TLE3: variants seen among roughly 807,000 people sequenced by gnomAD.
TLE3 encodes the protein TLE family member 3, transcriptional corepressor, also known as transducin-like enhancer protein 3.
In TLE3, 14 loss-of-function variants were observed where a neutral mutation model predicts 93.0. The ratio of observed to expected loss-of-function variants is 0.15; its 90% CI spans 0.10 to 0.24. The LOEUF is 0.24. TLE3 is among the 10% of genes least tolerant of loss of function. TLE3 has a pLI of 1.00. For synonymous variants in TLE3, 451 were observed against 425.0 expected (o/e 1.06, Z -0.75); for missense variants, 693 against 1,046.6 (o/e 0.66, Z 4.66).
intron 19 of TLE3, chr15:70,051,163 G>A (rs1369322269): frequency 1.2e-5 from 5 of 421,500 alleles, no homozygotes; most frequent in Admixed American, 4.0e-5. Flanking sequence ...TGCCCTCGGG[G>A]GTCAGAAGCC....
chr15:70,050,465 C>T (rs576682996), intron 19 of TLE3: 1 of 382,888 alleles, frequency 2.6e-6, no homozygotes, highest in Admixed American at 3.6e-5. Flanking sequence ...GTAACAGTCT[C>T]CCACGTGATC....
chr15:70,096,704 G>T, intron 1 of TLE3, 71 bp downstream of exon 1: 1 of 1,591,160 alleles, frequency 6.3e-7, no homozygotes, highest in Non-Finnish European at 8.6e-7. Flanking sequence ...GCAAAATGGA[G>T]GTGCCAGATA....
intron 7 of TLE3, 112 bp downstream of exon 7, chr15:70,065,902 G>A (rs2056783469): frequency 8.3e-7 from 1 of 1,203,192 alleles, no homozygotes; most frequent in Non-Finnish European, 1.2e-6. Flanking sequence ...CAAATCCTTG[G>A]TAACTCCTGG....
intron 6 of TLE3, among the ~76,000 whole-genome samples, chr15:70,071,028 ACCT>A (rs2057124214): frequency 6.6e-6 from 1 of 152,084 alleles, no homozygotes; most frequent in African/African-American, 2.4e-5. Flanking sequence ...AGCAGATGAG[ACCT>A]CCTCCACTTT....
rs566572684 is a variant in TLE3, at chr15:70,053,122, C to T, written c.1974+105G>A. The T allele has an allele frequency of 1.7e-4, 240 of 1,427,624 alleles. 1 individual carries two copies. In the African/African-American group the frequency reaches 3.0e-3, roughly 18 times the overall value. The allele number at this position is 1,427,624 out of a possible 1,614,324, so 88.4% of individuals were successfully genotyped here. ...TCAGGTTGGTCCCAAGTCTCTTGGC[C>T]GTGGCCACTCTGTGAGGGTCCCTTT... is the stretch of plus-strand genomic sequence containing the variant. On this transcript the variant is annotated intron_variant, in intron 17 of 19. Coordinates refer to ENST00000451782, the MANE Select transcript of TLE3 (RefSeq NM_001105192.3).
At chr15:70,087,404 G>T (rs928014625) in intron 4 of TLE3, among the ~76,000 whole-genome samples, 1 of 152,196 alleles carries the variant, frequency 6.6e-6, no homozygotes, top group African/African-American at 2.4e-5. Context: ...TGAAAATGTC[G>T]AATCTGCTTT....
chr15:70,061,077 G>A (rs2141559074), intron 8 of TLE3, among the ~76,000 whole-genome samples: 1 of 152,272 alleles, frequency 6.6e-6, no homozygotes, highest in South Asian at 2.1e-4. Flanking sequence ...TGAGCTGACA[G>A]GCAGGGGCCA....
intron 3 of TLE3, 103 bp from the exon 4 acceptor site, chr15:70,094,679 G>C (rs1005620504): frequency 5.9e-6 from 5 of 845,210 alleles, no homozygotes; most frequent in African/African-American, 3.5e-5. Flanking sequence ...ATACTTTTAC[G>C]ATACATTTGC....
intron 4 of TLE3, among the ~76,000 whole-genome samples, chr15:70,084,342 T>C (rs904192044): frequency 1.3e-5 from 2 of 152,328 alleles, no homozygotes; most frequent in Admixed American, 1.3e-4. Context: ...TGGGTAGAGA[T>C]TAGAAATGCT....
At chr15:70,092,666 C>T (rs1355858058) in intron 4 of TLE3, among the ~76,000 whole-genome samples, 1 of 152,214 alleles carries the variant, frequency 6.6e-6, no homozygotes, top group Non-Finnish European at 1.5e-5. Flanking sequence ...CCCAGATGTA[C>T]ACAGCTGCTC....
At chr15:70,080,845 C>G (rs908717299) in intron 4 of TLE3, among the ~76,000 whole-genome samples, 12 of 152,196 alleles carry the variant, frequency 7.9e-5, no homozygotes, top group African/African-American at 2.9e-4. Context: ...ATCTGTACCC[C>G]CCAGCAACCT....
intron 4 of TLE3, among the ~76,000 whole-genome samples, chr15:70,091,272 C>CA (rs1362415155): frequency 6.6e-6 from 1 of 152,248 alleles, no homozygotes; most frequent in Non-Finnish European, 1.5e-5. Flanking sequence ...AGTCCACTTT[C>CA]AAAAATGTCA....
At position 70,097,791 on chromosome 15, in the gene TLE3, CG is replaced by C. The variant is rs1653339185; in HGVS notation, c.-994del. On this transcript the variant is annotated 5_prime_UTR_variant, in exon 1 of 20. Transcript: ENST00000451782. The stretch of plus-strand genomic sequence containing the variant: ...AACACACACACCCAACACACACACA[CG>C]CGCGCACGCACACACACACACACCA... 14 of 373,806 alleles carry C rather than the reference CG, an allele frequency of 3.7e-5. No individual in the cohort carries two copies. The highest frequency in any genetic ancestry group is 3.1e-4 in the South Asian group (2 of 6,398). 23.2% of individuals were successfully genotyped at this position (373,806 alleles called of 1,614,324 possible).
In TLE3 at chr15:70,056,218, G is replaced by A. The variant is rs969420030; in HGVS notation, c.1328+80C>T. 2.4e-5 allele frequency: 34 copies of A among 1,443,554 alleles called. No individual in the cohort carries two copies. In the Admixed American group the frequency reaches 5.2e-4, roughly 22 times the overall value. 89.4% of individuals were successfully genotyped at this position (1,443,554 alleles called of 1,614,324 possible). ...GGGCAAACCCTTGGTCAGGGGATGA[G>A]GGGCGTTGTTGGAATTGGGGGTAGA... On this transcript the variant is annotated intron_variant, in intron 14 of 19. Coordinates refer to ENST00000451782, the MANE Select transcript of TLE3 (RefSeq NM_001105192.3).
At chr15:70,087,681 G>A (rs2058094616) in intron 4 of TLE3, among the ~76,000 whole-genome samples, 1 of 151,890 alleles carries the variant, frequency 6.6e-6, no homozygotes, top group Non-Finnish European at 1.5e-5. Flanking sequence ...ATAGACTTCA[G>A]GCCCCAACAG....
chr15:70,053,213 CTT>C lies in TLE3; in HGVS notation c.1974+12_1974+13del, dbSNP rs1347568640. 1 of 1,605,580 alleles carries C rather than the reference CTT, an allele frequency of 6.2e-7. No individual in the cohort carries two copies. Among genetic ancestry groups the C allele is most frequent in the Non-Finnish European group, 8.5e-7 (1 of 1,176,108 alleles). On this transcript the variant is annotated intron_variant, in intron 17 of 19. Coordinates refer to ENST00000451782, the MANE Select transcript of TLE3 (RefSeq NM_001105192.3). ...CACTGCTCTTTGGGAAGGGAGGAGTCTTGGGCCGCACACCTGGGAAGTGAAGT... is the reference window on the plus strand; with the variant it reads ...CACTGCTCTTTGGGAAGGGAGGAGTCGGGCCGCACACCTGGGAAGTGAAGT...
intron 10 of TLE3, 64 bp downstream of exon 10, chr15:70,059,346 T>C (rs2056311090): frequency 6.5e-7 from 1 of 1,547,002 alleles, no homozygotes; most frequent in Non-Finnish European, 8.8e-7. Context: ...GATCCCACCC[T>C]GGGGAGGAAT....
At position 70,057,562 on chromosome 15, in the gene TLE3, G is replaced by A. The variant is rs376821327; in HGVS notation, c.1148C>T (p.Pro383Leu). ...HHEMNGSLTS[P>L]GAYAGLHNIP... ...GTTGTGGAGGCCGGCGTAGGCGCCA[G>A]GACTGGTGAGGGAGCCGTTCATCTC... Residue 383 changes from proline to leucine, a missense_variant, in exon 13 of 20, where the codon CCT (proline) becomes CTT (leucine). Pro to Leu is a moderately conservative substitution (Grantham distance 98). This residue lies in a region of TLE3 where 405 missense variants were observed against 468.9 expected (regional missense o/e 0.86). Coordinates refer to ENST00000451782, the MANE Select transcript of TLE3 (RefSeq NM_001105192.3). The A allele has an allele frequency of 6.2e-7, 1 of 1,601,744 alleles. No homozygotes were observed. The highest frequency in any genetic ancestry group is 8.5e-7 in the Non-Finnish European group (1 of 1,174,872).
At chr15:70,076,421 C>T (rs2141831149) in intron 4 of TLE3, among the ~76,000 whole-genome samples, 1 of 152,292 alleles carries the variant, frequency 6.6e-6, no homozygotes, top group South Asian at 2.1e-4. Context: ...ATGTCTGGTT[C>T]AGAATATAGT....
Sources: gnomAD v4.1 joint callset for allele counts (sites outside exome capture counted in the v4.1 genomes callset) on GRCh38, gnomAD v4.1.1 for gene constraint, gnomAD v4.1.1 regional missense constraint, MANE v1.5 for transcripts, NCBI Gene and HGNC (gene_info 2026-07-23, HGNC 2026-07-21) for gene names.